The following COPB1 variants were observed in gnomAD, a reference collection of about 807,000 sequenced individuals.
COPB1 encodes the protein coatomer subunit beta.
A neutral mutation model predicts 108.7 loss-of-function variants in COPB1; 21 were observed. The ratio of observed to expected loss-of-function variants is 0.19; its 90% CI spans 0.14 to 0.28. The LOEUF is 0.28. Among genes scored for constraint, COPB1 ranks in the 10% least tolerant of loss-of-function variants. The pLI, the probability that COPB1 is intolerant of heterozygous loss-of-function variation, is 1.00. For synonymous variants in COPB1, 378 were observed against 386.8 expected (o/e 0.98, Z 0.27); for missense variants, 919 against 1,141.3 (o/e 0.81, Z 2.81).
At chr11:14,465,734 T>C (rs547781031) in intron 17 of COPB1, among the ~76,000 whole-genome samples, 221 of 152,190 alleles carry the variant, frequency 1.5e-3, no homozygotes, top group Non-Finnish European at 2.8e-3. Flanking sequence ...CCTTAACACT[T>C]GCATAAGCCA....
At chr11:14,494,161 T>C in intron 3 of COPB1, 49 bp downstream of exon 3, 1 of 1,309,412 alleles carries the variant, frequency 7.6e-7, no homozygotes, top group Non-Finnish European at 1.1e-6. Context: ...CTACCAATTT[T>C]ACATTTAAAT....
chr11:14,482,324 T>C (rs1850678006), intron 8 of COPB1, among the ~76,000 whole-genome samples: 1 of 152,316 alleles, frequency 6.6e-6, no homozygotes, highest in East Asian at 1.9e-4. Context: ...CCATGGGGTT[T>C]TATTTTTATA....
At chr11:14,488,786 G>A (rs960144249) in intron 5 of COPB1, among the ~76,000 whole-genome samples, 1 of 152,098 alleles carries the variant, frequency 6.6e-6, no homozygotes, top group African/African-American at 2.4e-5. Context: ...TTCTGGAAAT[G>A]AGCCACAAAC....
At chr11:14,485,690 C>T (rs2597192) in intron 7 of COPB1, among the ~76,000 whole-genome samples, 101,134 of 151,866 alleles carry the variant, frequency 0.67, 33,893 homozygotes, top group African/African-American at 0.71. Context: ...CTACTAAAAA[C>T]ACAAAAAATT....
intron 12 of COPB1, among the ~76,000 whole-genome samples, chr11:14,476,579 A>G (rs1235667622): frequency 6.6e-6 from 1 of 152,160 alleles, no homozygotes; most frequent in East Asian, 1.9e-4. Flanking sequence ...CGACACAACA[A>G]TGACTAGAAC....
chr11:14,474,894 G>A (rs867134906), intron 13 of COPB1, among the ~76,000 whole-genome samples: 7 of 152,014 alleles, frequency 4.6e-5, no homozygotes, highest in Non-Finnish European at 7.4e-5. Flanking sequence ...TCAGGAGTTC[G>A]AGGACAGCCT....
Position 14,460,200 on chromosome 11 carries a change from AATT to A in COPB1, c.2646+5_2646+7del, listed in dbSNP as rs1164545675. 1.9e-6 allele frequency: 3 copies of A among 1,578,280 alleles called. No homozygotes were observed. In the African/African-American group the frequency reaches 4.1e-5, roughly 21 times the overall value. On this transcript the variant is annotated splice_donor_5th_base_variant and intron_variant, in intron 20 of 21. Transcript: ENST00000439561. ...ATCAGATTTCTGAATTTCCTAGTCA[AATT>A]TTACCTTTTCTGGAGTCAGGCATTT...
rs1176471967 is a variant in COPB1 at position 14,475,889 on chromosome 11, T to C, written c.1512A>G (p.Glu504=). Residue 504 remains glutamate, a synonymous_variant, in exon 13 of 22, where the codon GAA becomes GAG. Coordinates refer to ENST00000439561, the MANE Select transcript of COPB1 (RefSeq NM_001144061.2). ...KKEAGELKPE[E]EITVGPVQKL... is the part of the protein sequence containing the mutation. Reference sequence around the variant, plus strand: ...TCTGAACTGGCCCTACAGTTATTTCTTCTTCAGGTTTTAATTCACCAGCTT... The same window carrying C: ...TCTGAACTGGCCCTACAGTTATTTCCTCTTCAGGTTTTAATTCACCAGCTT... 6.2e-7 allele frequency: 1 copy of C among 1,613,322 alleles called. No individual in the cohort carries two copies. Among genetic ancestry groups the C allele is most frequent in the South Asian group, 1.1e-5 (1 of 90,908 alleles).
At position 14,466,391 on chromosome 11, in the gene COPB1, A is replaced by G. The variant is rs746433231; in HGVS notation, c.2181T>C (p.Tyr727=). 67 of 1,612,888 alleles carry G rather than the reference A, an allele frequency of 4.2e-5. No homozygotes were observed. The South Asian group carries it at 7.1e-4, about 17-fold the overall frequency. ...GGTTGACATGAACGTAAGCTTCTGC[A>G]TATACAGGATCTGAGAAACCTGTCA... The part of the protein sequence containing the change: ...TQLTGFSDPV[Y]AEAYVHVNQY... The change falls in exon 17 of 22, where the codon TAT becomes TAC. Residue 727 remains tyrosine (Y), a synonymous_variant. Transcript: ENST00000439561.
chr11:14,472,396 C>A (rs1384410204), intron 14 of COPB1, among the ~76,000 whole-genome samples: 1 of 152,182 alleles, frequency 6.6e-6, no homozygotes, highest in Non-Finnish European at 1.5e-5. Flanking sequence ...GTGCTGACAT[C>A]CAGGCTTTGT....
Position 14,460,273 on chromosome 11 carries a change from C to A in COPB1, c.2581G>T (p.Asp861Tyr). 6.2e-7 allele frequency: 1 copy of A among 1,610,346 alleles called. No homozygotes were observed. Among genetic ancestry groups the A allele is most frequent in the Non-Finnish European group, 8.5e-7 (1 of 1,177,880 alleles). Residue 861 changes from aspartate (D) to tyrosine (Y), a missense_variant, in exon 20 of 22, where the codon GAT becomes TAT. By Grantham distance (160) the Asp-to-Tyr change is radical (BLOSUM62 -3). Around this residue, in one of 5 missense-constraint regions of COPB1, gnomAD observed 705 missense variants for 817.8 expected, o/e 0.86. Transcript: ENST00000439561. ...NKVTVNTNMV[D>Y]LNDYLQHILK... Reference sequence around the variant, plus strand: ...ATGTGCTGTAAGTAGTCATTTAAATCAACCATGTTGGTGTTAACTGTCACC... The same window carrying A: ...ATGTGCTGTAAGTAGTCATTTAAATAAACCATGTTGGTGTTAACTGTCACC...
intron 4 of COPB1, among the ~76,000 whole-genome samples, chr11:14,492,835 C>T (rs1850937673): frequency 6.6e-6 from 1 of 152,096 alleles, no homozygotes; most frequent in Non-Finnish European, 1.5e-5. Context: ...TAACTGGTTC[C>T]TTAAATTGGT....
chr11:14,479,663 C>G lies in COPB1; in HGVS notation c.1264G>C (p.Glu422Gln). The G allele has an allele frequency of 3.1e-6, 5 of 1,611,714 alleles. No homozygotes were observed. The highest frequency in any genetic ancestry group is 4.2e-6 in the Non-Finnish European group (5 of 1,178,974). Reference sequence around the variant, plus strand: ...CGCTGAATGGCTTCACGAACAAACTCCAAGACATCAGCAGCTGCTGCTTCG... The same window carrying G: ...CGCTGAATGGCTTCACGAACAAACTGCAAGACATCAGCAGCTGCTGCTTCG... ...NNEAAAADVL[E>Q]FVREAIQRFD... is the part of the protein sequence containing the mutation. Residue 422 changes from glutamate to glutamine, a missense_variant, in exon 11 of 22, where the codon GAG (glutamate) becomes CAG (glutamine). Transcript: ENST00000439561.
In COPB1 at chr11:14,469,114, C is replaced by A. The variant is rs964405418; in HGVS notation, c.1965+222G>T. Among the ~76,000 whole-genome samples the A allele has an allele frequency of 3.9e-5, 6 of 152,196 alleles. No homozygotes were observed. The East Asian group carries it at 1.2e-3, about 29-fold the overall frequency. ...GATTCAAACGATCCTTCATCCTCAG[C>A]CTTCCAAGTAGCTGGAATGACAGGC... is the stretch of plus-strand genomic sequence containing the variant. On this transcript the variant is annotated intron_variant, in intron 15 of 21. Coordinates refer to ENST00000439561, the MANE Select transcript of COPB1 (RefSeq NM_001144061.2).
chr11:14,470,944 A>ACACACTCTCT (rs1285522756), intron 14 of COPB1, among the ~76,000 whole-genome samples: 39 of 90,208 alleles, frequency 4.3e-4, no homozygotes, highest in African/African-American at 1.3e-3. Flanking sequence ...ACACACACAC[A>ACACACTCTCT]CTCTCTCTCT....
intron 10 of COPB1, 86 bp from the exon 11 acceptor site, chr11:14,479,800 T>A (rs1850621645): frequency 4.6e-6 from 6 of 1,296,812 alleles, no homozygotes; most frequent in South Asian, 4.6e-5. Flanking sequence ...TAAAAGAATG[T>A]AATTCTTTTT....
chr11:14,492,413 G>A (rs930413022), intron 4 of COPB1, among the ~76,000 whole-genome samples: 1 of 151,898 alleles, frequency 6.6e-6, no homozygotes, highest in East Asian at 1.9e-4. Flanking sequence ...GCGCGATCTC[G>A]GTTCATCGCA....
At chr11:14,470,013 G>A (rs1406632570) in intron 14 of COPB1, among the ~76,000 whole-genome samples, 3 of 152,122 alleles carry the variant, frequency 2.0e-5, no homozygotes, top group African/African-American at 7.2e-5. Flanking sequence ...CATCTCCTAA[G>A]AGTCAGAACA....
intron 1 of COPB1, 131 bp downstream of exon 1, chr11:14,499,576 C>A (rs1258351081): frequency 1.4e-5 from 2 of 146,350 alleles, no homozygotes; most frequent in African/African-American, 5.1e-5. Context: ...CCTCCGCCCC[C>A]ACCCCGACCC....
Sources: allele counts gnomAD v4.1 joint callset (sites outside exome capture counted in the v4.1 genomes callset), GRCh38; gene constraint gnomAD v4.1.1; regional missense constraint gnomAD v4.1.1; transcripts MANE v1.5; gene names NCBI Gene and HGNC (gene_info 2026-07-23, HGNC 2026-07-21).